The following AVL9 variants were observed in gnomAD, a reference collection of about 807,000 sequenced individuals.
AVL9 encodes the protein AVL9 cell migration associated, also known as late secretory pathway protein AVL9 homolog.
In AVL9, 49 loss-of-function variants were observed where a neutral mutation model predicts 79.2. That is an observed-to-expected ratio of 0.62 (90% CI 0.49 to 0.79). The LOEUF (loss-of-function observed/expected upper bound fraction) is 0.79, where lower values mean the gene tolerates loss of function less well. Among genes scored for constraint, AVL9 ranks in the 30% least tolerant of loss-of-function variants. The pLI, the probability that AVL9 is intolerant of heterozygous loss-of-function variation, is 0.00. For missense variants in AVL9, 682 were observed against 776.8 expected (o/e 0.88, Z 1.45); for synonymous variants, 299 against 280.6 (o/e 1.07, Z -0.65).
At chr7:32,546,730 G>A (rs548123925) in intron 3 of AVL9, among the ~76,000 whole-genome samples, 63 of 152,244 alleles carry the variant, frequency 4.1e-4, no homozygotes, top group Non-Finnish European at 8.4e-4. Context: ...GGCTGAGGCA[G>A]GAGAACTGCT....
intron 10 of AVL9, among the ~76,000 whole-genome samples, chr7:32,565,615 A>C (rs1031802951): frequency 2.0e-5 from 3 of 151,960 alleles, no homozygotes; most frequent in Admixed American, 6.6e-5. Context: ...TCGATTAAAA[A>C]ACTTTAAAAC....
chr7:32,553,615 A>C, intron 6 of AVL9, 112 bp from the exon 7 acceptor site: 1 of 703,986 alleles, frequency 1.4e-6, no homozygotes. Context: ...ATATTTGCAT[A>C]TTCCTACTTT....
chr7:32,516,195 G>T (rs1787895373), intron 1 of AVL9, among the ~76,000 whole-genome samples: 1 of 152,182 alleles, frequency 6.6e-6, no homozygotes, highest in African/African-American at 2.4e-5. Flanking sequence ...ACCTTGTACT[G>T]TGAGAGGATT....
At chr7:32,531,474 G>A (rs547159489) in intron 1 of AVL9, 8 of 770 alleles carry the variant, frequency 0.01, no homozygotes, top group South Asian at 0.067. Flanking sequence ...GAATGATAGC[G>A]TCTTAATGTT....
intron 13 of AVL9, among the ~76,000 whole-genome samples, chr7:32,576,619 C>G (rs1273357670): frequency 6.6e-6 from 1 of 152,036 alleles, no homozygotes; most frequent in Non-Finnish European, 1.5e-5. Context: ...CCCATCTCTA[C>G]TAAAAATACA....
Position 32,495,696 on chromosome 7 carries a change from C to G in AVL9, c.-14C>G, listed in dbSNP as rs1786763758. ...GGCGGTCGAAGTCGTCGTGCGGGCC[C>G]GCGGCGGCCGCCCATGGAGAAGGCC... On this transcript the variant is annotated 5_prime_UTR_variant, in exon 1 of 16. Transcript: ENST00000318709. The G allele has an allele frequency of 3.2e-6, 4 of 1,254,806 alleles. No homozygotes were observed. Among genetic ancestry groups the G allele is most frequent in the Admixed American group, 4.2e-5 (1 of 23,736 alleles). 77.7% of individuals were successfully genotyped at this position (1,254,806 alleles called of 1,614,324 possible).
Position 32,559,194 on chromosome 7 carries a change from T to TTA in AVL9, c.946_947insAT (p.Leu316TyrfsTer2), listed in dbSNP as rs1790223577. ...AGGAACCCAATGATACCAATCAATA[T>TTA]TTGAAACCTCCATCTCGCCCATCTC... On this transcript the variant is annotated frameshift_variant, in exon 10 of 16. Transcript: ENST00000318709. LOFTEE classifies it high-confidence loss of function. 1 of 1,614,162 alleles carries TTA rather than the reference T, an allele frequency of 6.2e-7. No individual in the cohort carries two copies. Among genetic ancestry groups the TTA allele is most frequent in the Non-Finnish European group, 8.5e-7 (1 of 1,180,034 alleles).
intron 1 of AVL9, among the ~76,000 whole-genome samples, chr7:32,539,732 T>G (rs1372426815): frequency 1.3e-5 from 2 of 152,184 alleles, no homozygotes; most frequent in Non-Finnish European, 2.9e-5. Context: ...AATTCCGAAA[T>G]GGGTTTCACT....
At chr7:32,528,424 T>C (rs1014737158) in intron 1 of AVL9, among the ~76,000 whole-genome samples, 15 of 152,214 alleles carry the variant, frequency 9.9e-5, no homozygotes, top group African/African-American at 3.4e-4. Flanking sequence ...ACTTTTTGGT[T>C]TACAGCTTCT....
intron 10 of AVL9, among the ~76,000 whole-genome samples, chr7:32,568,757 C>T (rs1370987486): frequency 6.6e-6 from 1 of 151,970 alleles, no homozygotes; most frequent in Admixed American, 6.6e-5. Flanking sequence ...TTCTTGAAAG[C>T]TTTGACCTAC....
chr7:32,586,633 T>C lies in AVL9; in HGVS notation c.*2726T>C, dbSNP rs1297291838. ...GGTGTGTGTGTGTTGGTGGCCACAC[T>C]TGCTAAGGCTTTTGTGTCTAAGAAT... On this transcript the variant is annotated 3_prime_UTR_variant, in exon 16 of 16. Coordinates refer to ENST00000318709, the MANE Select transcript of AVL9 (RefSeq NM_015060.3). 6.6e-6 allele frequency: 1 copy of C among 152,198 alleles called. No individual in the cohort carries two copies. Among genetic ancestry groups the C allele is most frequent in the Non-Finnish European group, 1.5e-5 (1 of 68,060 alleles). 9.4% of individuals were successfully genotyped at this position (152,198 alleles called of 1,614,324 possible).
chr7:32,508,390 C>G (rs550831694), intron 1 of AVL9, among the ~76,000 whole-genome samples: 2 of 152,216 alleles, frequency 1.3e-5, no homozygotes, highest in African/African-American at 4.8e-5. Context: ...GTAGTATCCA[C>G]ATTAAGAGAG....
At chr7:32,573,067 C>T (rs908579096) in intron 11 of AVL9, 132 bp from the exon 12 acceptor site, 9 of 659,482 alleles carry the variant, frequency 1.4e-5, no homozygotes, top group African/African-American at 3.6e-5. Flanking sequence ...CTTTCTTAGA[C>T]TCACCTTTTG....
chr7:32,551,604 A>ATTTTTTTT (rs1789822905), intron 5 of AVL9, among the ~76,000 whole-genome samples, 181 bp downstream of exon 5: 2 of 17,794 alleles, frequency 1.1e-4, no homozygotes, highest in African/African-American at 5.0e-4. Context: ...ATTTAACCAA[A>ATTTTTTTT]CTTTTTTTTT....
At chr7:32,565,984 A>AG (rs1790547579) in intron 10 of AVL9, among the ~76,000 whole-genome samples, 1 of 149,482 alleles carries the variant, frequency 6.7e-6, no homozygotes, top group Non-Finnish European at 1.5e-5. Flanking sequence ...CTCCAAAAAA[A>AG]AAAAAGGCTG....
intron 4 of AVL9, among the ~76,000 whole-genome samples, chr7:32,549,969 A>G (rs986176120): frequency 1.3e-5 from 2 of 152,190 alleles, no homozygotes; most frequent in African/African-American, 4.8e-5. Flanking sequence ...GCTATTATAA[A>G]AGACCCCAAT....
intron 1 of AVL9, among the ~76,000 whole-genome samples, chr7:32,498,492 C>T (rs1265639584): frequency 6.6e-6 from 1 of 152,078 alleles, no homozygotes; most frequent in Non-Finnish European, 1.5e-5. Flanking sequence ...TCAAGTGATC[C>T]ACCCGCCTTG....
intron 10 of AVL9, 138 bp from the exon 11 acceptor site, chr7:32,569,882 T>C (rs1438057521): frequency 6.8e-6 from 5 of 739,178 alleles, no homozygotes; most frequent in African/African-American, 1.8e-5. Context: ...TATTATTTTA[T>C]TGAGTCAAAG....
intron 1 of AVL9, among the ~76,000 whole-genome samples, chr7:32,541,147 C>T (rs971916163): frequency 4.6e-5 from 7 of 151,708 alleles, no homozygotes; most frequent in Admixed American, 1.3e-4. Flanking sequence ...GTGATCCGCC[C>T]GCCTCGGCCT....
Sources: gnomAD v4.1 joint callset for allele counts (sites outside exome capture counted in the v4.1 genomes callset) on GRCh38, gnomAD v4.1.1 for gene constraint, MANE v1.5 for transcripts, NCBI Gene and HGNC (gene_info 2026-07-23, HGNC 2026-07-21) for gene names.